PEG3: variants seen among roughly 807,000 people sequenced by gnomAD.
PEG3 encodes paternally-expressed gene 3 protein.
Under a neutral mutation model 35.5 loss-of-function variants are expected in PEG3, and 23 were observed. The ratio of observed to expected loss-of-function variants is 0.65; its 90% confidence interval spans 0.47 to 0.92. PEG3 has a LOEUF of 0.92. Among genes scored for constraint, PEG3 ranks in the 40% least tolerant of loss-of-function variants. PEG3 has a pLI of 0.00. For missense variants in PEG3, 1,960 were observed against 1,985.3 expected, an observed-to-expected ratio of 0.99 and a Z score of 0.24; for synonymous variants, 707 against 697.0, an observed-to-expected ratio of 1.01 and a Z score of -0.23.
chr19:56,825,308 T>G (rs1351456332), intron 3 of PEG3, among the ~76,000 whole-genome samples: 1 of 152,236 alleles, frequency 6.6e-6, no homozygotes, highest in East Asian at 1.9e-4. Context: ...AGTACTCAAC[T>G]CTAGGTAATA....
intron 2 of PEG3, chr19:56,833,097 C>T (rs2061730141): frequency 2.0e-6 from 1 of 501,896 alleles, no homozygotes; most frequent in African/African-American, 1.9e-5. Context: ...TGAAAGAACA[C>T]ATCATGCACT....
Position 56,821,531 on chromosome 19 carries a change from T to C in PEG3, c.669+120A>G, listed in dbSNP as rs758041525. 3 of 1,243,370 alleles carry C rather than the reference T, an allele frequency of 2.4e-6. No homozygotes were observed. The East Asian group carries it at 7.0e-5, about 29-fold the overall frequency. 77.0% of individuals were successfully genotyped at this position (1,243,370 alleles called of 1,614,324 possible). On this transcript the variant is annotated intron_variant, in intron 7 of 9. Transcript: ENST00000326441. ...TGGGCCCGGGCTCCTCCTGGAGCGC[T>C]GGGACTCTCACCCCAGCTGGACTCT... is the stretch of plus-strand genomic sequence containing the variant.
In PEG3 at chr19:56,813,788, T is replaced by C; in HGVS notation, c.4654A>G (p.Ser1552Gly). ...CSGYIERAST[S>G]TGGANQADEK... ...TCAGCTTGATTGGCACCACCTGTGC[T>C]GGTGCTGGCACGTTCGATGTAGCCT... is the stretch of plus-strand genomic sequence containing the variant. The change falls in exon 10 of 10, where the codon AGC (serine) becomes GGC (glycine). Residue 1552 changes from serine to glycine, a missense_variant. Physicochemically the swap from Ser to Gly is moderately conservative, Grantham distance 56. This residue lies in a region of PEG3 where 416 missense variants were observed against 416.7 expected (regional missense o/e 1.00). Coordinates refer to ENST00000326441, the MANE Select transcript of PEG3 (RefSeq NM_006210.3). The C allele has an allele frequency of 6.2e-7, 1 of 1,614,204 alleles. No homozygotes were observed. Among genetic ancestry groups the C allele is most frequent in the Non-Finnish European group, 8.5e-7 (1 of 1,180,036 alleles).
At chr19:56,827,050 T>C (rs766759128) in intron 2 of PEG3, among the ~76,000 whole-genome samples, 1 of 152,116 alleles carries the variant, frequency 6.6e-6, no homozygotes, top group African/African-American at 2.4e-5. Context: ...GAGAAAAATA[T>C]GACCACTAGG....
At position 56,815,174 on chromosome 19, in the gene PEG3, G is replaced by C. The variant is rs1331777654; in HGVS notation, c.3268C>G (p.Gln1090Glu). Reference sequence around the variant, plus strand: ...TGAGGGTCTTCCATGTCTGAGCCTTGAATGACAGGGTCTTCAATTGTCTCC... The same window carrying C: ...TGAGGGTCTTCCATGTCTGAGCCTTCAATGACAGGGTCTTCAATTGTCTCC... Reference protein sequence around the residue: ...GQETIEDPVIQGSDMEDPQKD... With the variant: ...GQETIEDPVIEGSDMEDPQKD... Residue 1090 changes from glutamine (Q) to glutamate (E), a missense_variant, in exon 10 of 10, where the codon CAA becomes GAA. By Grantham distance (29) the Gln-to-Glu change is conservative (BLOSUM62 2). Transcript: ENST00000326441. 8.1e-6 allele frequency: 13 copies of C among 1,613,930 alleles called. No homozygotes were observed. The highest frequency in any genetic ancestry group is 1.1e-5 in the Non-Finnish European group (13 of 1,179,922).
intron 2 of PEG3, among the ~76,000 whole-genome samples, chr19:56,829,210 G>T (rs2146479535): frequency 6.6e-6 from 1 of 152,148 alleles, no homozygotes; most frequent in Middle Eastern, 3.4e-3. Context: ...AATTAGCTGG[G>T]CGTGGTGGCA....
chr19:56,821,202 G>A (rs1225959635), intron 7 of PEG3, among the ~76,000 whole-genome samples: 1 of 152,206 alleles, frequency 6.6e-6, no homozygotes, highest in Non-Finnish European at 1.5e-5. Flanking sequence ...TTCAGCTTAT[G>A]AGTAAATGGC....
chr19:56,827,939 T>C (rs2061210921), intron 2 of PEG3, among the ~76,000 whole-genome samples: 2 of 152,226 alleles, frequency 1.3e-5, no homozygotes, highest in African/African-American at 2.4e-5. Context: ...GGAAGGGAAC[T>C]AGGGGTCAGG....
intron 1 of PEG3, among the ~76,000 whole-genome samples, chr19:56,836,752 T>A (rs1320856036): frequency 6.6e-6 from 1 of 152,142 alleles, no homozygotes; most frequent in East Asian, 1.9e-4. Flanking sequence ...GCAGATCACC[T>A]GAGGTCAGGA....
At chr19:56,834,834 G>C (rs907467180) in intron 2 of PEG3, among the ~76,000 whole-genome samples, 1 of 152,108 alleles carries the variant, frequency 6.6e-6, no homozygotes, top group East Asian at 1.9e-4. Context: ...CTTGTGATGG[G>C]AGTTTCCATT....
intron 2 of PEG3, among the ~76,000 whole-genome samples, chr19:56,835,528 T>C (rs2062005081): frequency 6.6e-6 from 1 of 152,194 alleles, no homozygotes; most frequent in African/African-American, 2.4e-5. Context: ...GGGAGGCCCC[T>C]ATGTGGCCTC....
chr19:56,821,559 G>C, intron 7 of PEG3, 92 bp downstream of exon 7: 5 of 1,493,456 alleles, frequency 3.3e-6, no homozygotes, highest in Non-Finnish European at 4.6e-6. Flanking sequence ...TGGACTCTAG[G>C]GGGCAGATAA....
rs1322298301 is a variant in PEG3 at position 56,816,098 on chromosome 19, A to C, written c.2344T>G (p.Leu782Val). 2 of 1,609,824 alleles carry C rather than the reference A, an allele frequency of 1.2e-6. No homozygotes were observed. The highest frequency in any genetic ancestry group is 2.2e-5 in the East Asian group (1 of 44,820). Residue 782 changes from leucine (L) to valine (V), a missense_variant, in exon 10 of 10, where the codon TTA becomes GTA. Physicochemically the swap from Leu to Val is conservative, Grantham distance 32. Coordinates refer to ENST00000326441, the MANE Select transcript of PEG3 (RefSeq NM_006210.3). ...CTTTTCTGAGCTTCCACAGAGGCTA[A>C]GCTATGAATAACAGACCTCTCATAT... Reference protein sequence around the residue: ...KSYERSVIHSLASVEAQKSHS... With the variant: ...KSYERSVIHSVASVEAQKSHS...
At chr19:56,839,985 C>G (rs1208052360) in intron 1 of PEG3, among the ~76,000 whole-genome samples, 3 of 152,230 alleles carry the variant, frequency 2.0e-5, no homozygotes, top group Admixed American at 1.3e-4. Context: ...CCCCTACAGG[C>G]AGGACAGCCC....
At chr19:56,818,449 A>T in intron 8 of PEG3, 151 bp downstream of exon 8, 1 of 818,878 alleles carries the variant, frequency 1.2e-6, no homozygotes, top group Non-Finnish European at 1.9e-6. Context: ...TTTATCATTT[A>T]CTCCCTCATT....
rs1386599065 is a variant in PEG3 at position 56,815,439 on chromosome 19, G to C, written c.3003C>G (p.Asn1001Lys). 1.7e-5 allele frequency: 27 copies of C among 1,614,010 alleles called. No individual in the cohort carries two copies. Among genetic ancestry groups the C allele is most frequent in the Non-Finnish European group, 2.2e-5 (26 of 1,179,976 alleles). The stretch of plus-strand genomic sequence containing the variant: ...AGCTGCGAATGACAGACCATTCATA[G>C]TTTCTGCTTCCAGAGGGCTTCTCCC... ...HDREKPSGSR[N>K]YEWSVIRSLA... is the part of the protein sequence containing the mutation. Residue 1001 changes from asparagine (N) to lysine (K), a missense_variant, in exon 10 of 10, where the codon AAC becomes AAG. By Grantham distance (94) the Asn-to-Lys change is moderately conservative (BLOSUM62 0). Transcript: ENST00000326441.
At chr19:56,834,616 G>A (rs1031678236) in intron 2 of PEG3, among the ~76,000 whole-genome samples, 1 of 152,186 alleles carries the variant, frequency 6.6e-6, no homozygotes, top group Admixed American at 6.5e-5. Context: ...CCTGAGCTTA[G>A]TTAAATGTGG....
intron 2 of PEG3, among the ~76,000 whole-genome samples, chr19:56,832,546 T>G (rs1483327441): frequency 6.6e-6 from 1 of 152,138 alleles, no homozygotes; most frequent in Non-Finnish European, 1.5e-5. Context: ...AGCTTCCATA[T>G]CTCCCTCTGC....
chr19:56,825,852 CA>C (rs778157587), intron 3 of PEG3, among the ~76,000 whole-genome samples: 1 of 152,112 alleles, frequency 6.6e-6, no homozygotes, highest in Non-Finnish European at 1.5e-5. Context: ...AAGGTGTTTC[CA>C]TTATTCAGAG....
Sources: gnomAD v4.1 joint callset for allele counts (sites outside exome capture counted in the v4.1 genomes callset) on GRCh38, gnomAD v4.1.1 for gene constraint, gnomAD v4.1.1 regional missense constraint, MANE v1.5 for transcripts, NCBI Gene and HGNC (gene_info 2026-07-23, HGNC 2026-07-21) for gene names.